SFMBT1: variants seen among roughly 807,000 people sequenced by gnomAD.
The protein encoded by SFMBT1 is Scm like with four mbt domains 1, also known as scm-like with four MBT domains protein 1.
Under a neutral mutation model 108.7 loss-of-function variants are expected in SFMBT1, and 32 were observed. The ratio of observed to expected loss-of-function variants is 0.29; its 90% CI spans 0.22 to 0.40. The LOEUF (loss-of-function observed/expected upper bound fraction) is 0.40, where lower values mean the gene tolerates loss of function less well. Ranked by LOEUF, SFMBT1 falls within the 10% of genes least tolerant of loss-of-function variation. SFMBT1 has a pLI of 1.00. For missense variants in SFMBT1, 816 were observed against 1,059.6 expected (o/e 0.77, Z 3.19); for synonymous variants, 348 against 369.5 (o/e 0.94, Z 0.67).
intron 3 of SFMBT1, among the ~76,000 whole-genome samples, chr3:52,950,464 G>A (rs1703535253): frequency 6.6e-6 from 1 of 152,030 alleles, no homozygotes; most frequent in African/African-American, 2.4e-5. Context: ...ATAAATTGTT[G>A]CTGTCATTAC....
chr3:52,966,881 A>T (rs1704168492), intron 2 of SFMBT1, among the ~76,000 whole-genome samples: 1 of 150,800 alleles, frequency 6.6e-6, no homozygotes, highest in Admixed American at 6.6e-5. Context: ...TAAATAAAAG[A>T]GGGTAAAGAG....
intron 1 of SFMBT1, among the ~76,000 whole-genome samples, chr3:52,977,397 G>A (rs1383966038): frequency 6.6e-6 from 1 of 152,078 alleles, no homozygotes; most frequent in Non-Finnish European, 1.5e-5. Flanking sequence ...TGTAATCCCA[G>A]CTACTCGGGA....
chr3:53,042,137 T>C (rs1477268091), intron 1 of SFMBT1, among the ~76,000 whole-genome samples: 1 of 152,198 alleles, frequency 6.6e-6, no homozygotes, highest in African/African-American at 2.4e-5. Context: ...TTGGACTGTA[T>C]CTATTTACTT....
intron 7 of SFMBT1, 91 bp downstream of exon 7, chr3:52,930,850 C>A: frequency 1.0e-6 from 1 of 983,364 alleles, no homozygotes; most frequent in Admixed American, 2.0e-5. Context: ...TTCTTACCGA[C>A]TGCAGGGGCT....
chr3:52,913,787 C>T (rs953103027), intron 14 of SFMBT1, among the ~76,000 whole-genome samples, 170 bp from the exon 15 acceptor site: 9 of 152,160 alleles, frequency 5.9e-5, no homozygotes, highest in Non-Finnish European at 1.0e-4. Flanking sequence ...TCTTAAGTAA[C>T]TTACAGAGCT....
chr3:52,973,208 C>A (rs1329564180), intron 1 of SFMBT1, among the ~76,000 whole-genome samples: 3 of 151,660 alleles, frequency 2.0e-5, no homozygotes, highest in African/African-American at 4.8e-5. Context: ...CAGAGACAGA[C>A]CCTGTCTCAA....
intron 11 of SFMBT1, among the ~76,000 whole-genome samples, chr3:52,921,280 A>G (rs1218564122): frequency 6.6e-6 from 1 of 152,176 alleles, no homozygotes; most frequent in Non-Finnish European, 1.5e-5. Flanking sequence ...CCTTGCATCC[A>G]CAAACCTGTC....
intron 1 of SFMBT1, among the ~76,000 whole-genome samples, chr3:53,020,125 C>T (rs937381417): frequency 6.6e-6 from 1 of 151,590 alleles, no homozygotes; most frequent in Non-Finnish European, 1.5e-5. Context: ...GTAGGCCGGG[C>T]GTGATGTAAT....
At chr3:52,954,811 T>C (rs1363610080) in intron 2 of SFMBT1, among the ~76,000 whole-genome samples, 1 of 152,126 alleles carries the variant, frequency 6.6e-6, no homozygotes, top group East Asian at 1.9e-4. Context: ...GATCCTTTCT[T>C]AGTACTCTCA....
At chr3:52,922,590 A>G (rs1249702038) in intron 10 of SFMBT1, among the ~76,000 whole-genome samples, 1 of 152,258 alleles carries the variant, frequency 6.6e-6, no homozygotes, top group Non-Finnish European at 1.5e-5. Flanking sequence ...GGCAGTAAAG[A>G]AAGCTAAGAA....
intron 1 of SFMBT1, among the ~76,000 whole-genome samples, chr3:52,984,603 T>C (rs989642123): frequency 2.6e-5 from 4 of 152,044 alleles, no homozygotes; most frequent in African/African-American, 9.7e-5. Flanking sequence ...TAGCTTTCTT[T>C]AATGTATGTC....
chr3:53,042,808 T>G (rs1031127407), intron 1 of SFMBT1, among the ~76,000 whole-genome samples: 1 of 152,076 alleles, frequency 6.6e-6, no homozygotes. Flanking sequence ...GTCAAGAAAT[T>G]TAAAAAGAGC....
At chr3:53,012,788 T>A (rs936135236) in intron 1 of SFMBT1, among the ~76,000 whole-genome samples, 3 of 151,408 alleles carry the variant, frequency 2.0e-5, no homozygotes, top group African/African-American at 7.4e-5. Context: ...CTACATATCA[T>A]ATGATTCAAG....
In SFMBT1 at chr3:52,928,651, TATAC is replaced by T. The variant is rs1282260255; in HGVS notation, c.898-314_898-311del. On this transcript the variant is annotated intron_variant, in intron 8 of 20. Coordinates refer to ENST00000394752, the MANE Select transcript of SFMBT1 (RefSeq NM_016329.4). ...ACATATATATACATATATATATATA[TATAC>T]ACATATATACATATATACACACACA... is the stretch of plus-strand genomic sequence containing the variant. 6.6e-3 allele frequency among the ~76,000 whole-genome samples: 150 copies of T among 22,790 alleles called. 5 individuals are homozygous for T. The highest frequency in any genetic ancestry group is 0.027 in the South Asian group (14 of 510). The allele number at this position is 22,790 out of a possible 152,430, so 15.0% of individuals were successfully genotyped here.
In SFMBT1 at chr3:52,904,896, T is replaced by G. The variant is rs1401466485; in HGVS notation, c.*240A>C. On this transcript the variant is annotated 3_prime_UTR_variant, in exon 21 of 21. Transcript: ENST00000394752. ...TAAGTCTTTTCCTCACAACCTTTAT[T>G]TTTTAAAAACTGCCATCTGCTGAAC... 4 of 426,596 alleles carry G rather than the reference T, an allele frequency of 9.4e-6. No homozygotes were observed. The highest frequency in any genetic ancestry group is 1.6e-5 in the Non-Finnish European group (4 of 243,170). 26.4% of individuals were successfully genotyped at this position (426,596 alleles called of 1,614,324 possible). A position where few individuals can be genotyped will look rare whatever the true frequency, so the allele number is the denominator to read the frequency against.
chr3:52,907,386 A>G, intron 18 of SFMBT1, 72 bp from the exon 19 acceptor site: 2 of 1,535,296 alleles, frequency 1.3e-6, no homozygotes, highest in Non-Finnish European at 1.7e-6. Flanking sequence ...TTAAAAAAAA[A>G]TAATAAAGAA....
Position 52,905,217 on chromosome 3 carries a change from G to A in SFMBT1, c.2520C>T (p.Asp840=). The A allele has an allele frequency of 6.2e-7, 1 of 1,614,100 alleles. No individual in the cohort carries two copies. Among genetic ancestry groups the A allele is most frequent in the South Asian group, 1.1e-5 (1 of 91,070 alleles). ...LTLPTVQECM[D]LKLGPAIKLC... Reference sequence around the variant, plus strand: ...GTTTGATGGCAGGGCCCAATTTTAAGTCCATGCATTCTTGAACAGTGGGAA... The same window carrying A: ...GTTTGATGGCAGGGCCCAATTTTAAATCCATGCATTCTTGAACAGTGGGAA... Residue 840 remains aspartate (D), a synonymous_variant, in exon 21 of 21, where the codon GAC becomes GAT. Transcript: ENST00000394752.
At chr3:53,011,129 C>T (rs1044191548) in intron 1 of SFMBT1, among the ~76,000 whole-genome samples, 10 of 151,976 alleles carry the variant, frequency 6.6e-5, no homozygotes, top group African/African-American at 2.4e-4. Flanking sequence ...AAATTAGCTG[C>T]CAAAAAAGGG....
intron 13 of SFMBT1, among the ~76,000 whole-genome samples, chr3:52,917,339 A>G (rs1245846150): frequency 1.3e-5 from 2 of 152,176 alleles, no homozygotes; most frequent in Non-Finnish European, 1.5e-5. Flanking sequence ...AAATGAGGTC[A>G]TAAGGGTAGG....
Sources: gnomAD v4.1 joint callset for allele counts (sites outside exome capture counted in the v4.1 genomes callset) on GRCh38, gnomAD v4.1.1 for gene constraint, MANE v1.5 for transcripts, NCBI Gene and HGNC (gene_info 2026-07-23, HGNC 2026-07-21) for gene names.